Variants in ADCY9 observed in about 807,000 individuals in gnomAD.
ADCY9 encodes adenylate cyclase 9.
In ADCY9, 50 loss-of-function variants were observed where a neutral mutation model predicts 101.5. The observed-to-expected ratio is 0.49, with a 90% CI of 0.39 to 0.62. The LOEUF (loss-of-function observed/expected upper bound fraction) is 0.62, where lower values mean the gene tolerates loss of function less well. Among genes scored for constraint, ADCY9 ranks in the 20% least tolerant of loss-of-function variants. The pLI is 0.00. For synonymous variants in ADCY9, 905 were observed against 769.3 expected, an observed-to-expected ratio of 1.18 and a Z score of -2.92; for missense variants, 1,662 against 1,800.4, an observed-to-expected ratio of 0.92 and a Z score of 1.39.
At chr16:3,999,410 G>A (rs914287230) in intron 3 of ADCY9, among the ~76,000 whole-genome samples, 4 of 152,130 alleles carry the variant, frequency 2.6e-5, no homozygotes, top group African/African-American at 7.2e-5. Flanking sequence ...TTCCGCAGAC[G>A]GCCACAGACT....
rs1460628544 is a variant in ADCY9, at chr16:4,097,558, T to TATATATATATATATATACA, written c.1693+16191_1693+16192insTGTATATATATATATATAT. ...ATATATATATATATATATATATTTT[T>TATATATATATATATATACA]TTTTTTTTTTTTTAAGACAGAGTCT... On this transcript the variant is annotated intron_variant, in intron 2 of 10. Coordinates refer to ENST00000294016, the MANE Select transcript of ADCY9 (RefSeq NM_001116.4). 4.9e-4 allele frequency among the ~76,000 whole-genome samples: 45 copies of TATATATATATATATATACA among 92,428 alleles called. 2 individuals are homozygous for TATATATATATATATATACA. The highest frequency in any genetic ancestry group is 2.2e-3 in the African/African-American group (41 of 18,860). 60.6% of individuals were successfully genotyped at this position (92,428 alleles called of 152,430 possible).
At chr16:4,082,713 T>TGCAC (rs34350481) in intron 2 of ADCY9, among the ~76,000 whole-genome samples, 90,799 of 150,350 alleles carry the variant, frequency 0.6, 28,074 homozygotes, top group East Asian at 0.89. Context: ...CACCCACGCA[T>TGCAC]GCACGCACAC....
chr16:4,060,110 T>A (rs114514839), intron 2 of ADCY9, among the ~76,000 whole-genome samples: 1 of 152,090 alleles, frequency 6.6e-6, no homozygotes, highest in African/African-American at 2.4e-5. Flanking sequence ...CCAAAGGCAC[T>A]GACATAAACC....
chr16:4,084,771 G>A (rs986282177), intron 2 of ADCY9, among the ~76,000 whole-genome samples: 2 of 151,900 alleles, frequency 1.3e-5, no homozygotes, highest in African/African-American at 2.4e-5. Flanking sequence ...TAGAATCAGT[G>A]GCAATCTCTG....
At position 4,114,315 on chromosome 16, in the gene ADCY9, T is replaced by C. The variant is rs1267144896; in HGVS notation, c.1128A>G (p.Gln376=). 6 of 1,613,930 alleles carry C rather than the reference T, an allele frequency of 3.7e-6. No homozygotes were observed. Among genetic ancestry groups the C allele is most frequent in the African/African-American group, 2.7e-5 (2 of 75,026 alleles). ...PKNRKKKSSI[Q]KAPIAFRPFK... ...AAGGGCGGAAGGCTATAGGAGCTTT[T>C]TGGATGGAAGACTTTTTCTTCCTGT... is the stretch of plus-strand genomic sequence containing the variant. Residue 376 remains glutamine, a synonymous_variant, in exon 2 of 11, where the codon CAA becomes CAG. Coordinates refer to ENST00000294016, the MANE Select transcript of ADCY9 (RefSeq NM_001116.4). The surrounding 1 kb of genome is among the most constrained non-coding windows in gnomAD (Gnocchi z 4.3).
chr16:4,064,998 G>A (rs1241825691), intron 2 of ADCY9, among the ~76,000 whole-genome samples: 1 of 152,152 alleles, frequency 6.6e-6, no homozygotes, highest in African/African-American at 2.4e-5. Flanking sequence ...AGTGACAGAG[G>A]GAGGAGAAGT....
At chr16:3,990,465 C>CA (rs58708699) in intron 5 of ADCY9, among the ~76,000 whole-genome samples, 116 of 144,606 alleles carry the variant, frequency 8.0e-4, no homozygotes, top group African/African-American at 2.7e-3. Flanking sequence ...GACTATGTCT[C>CA]AAAAAAAAAA....
chr16:4,115,362 G>C lies in ADCY9; in HGVS notation c.81C>G (p.Ser27Arg), dbSNP rs2057143743. The C allele has an allele frequency of 6.2e-7, 1 of 1,610,236 alleles. No homozygotes were observed. ...VSCDSSGDSN[S>R]VRVKINPKQL... ...GCTTGGGGTTGATCTTGACGCGCACGCTGTTGCTGTCCCCGCTGGAGTCGC... is the reference window on the plus strand; with the variant it reads ...GCTTGGGGTTGATCTTGACGCGCACCCTGTTGCTGTCCCCGCTGGAGTCGC... The change falls in exon 2 of 11, where the codon AGC (serine) becomes AGG (arginine). Residue 27 changes from serine (S) to arginine (R), a missense_variant. Physicochemically the swap from Ser to Arg is moderately radical, Grantham distance 110. Coordinates refer to ENST00000294016, the MANE Select transcript of ADCY9 (RefSeq NM_001116.4). The surrounding 1 kb of genome is among the most constrained non-coding windows in gnomAD (Gnocchi z 6.2).
chr16:3,954,123 G>A (rs775563302), intron 5 of ADCY9, among the ~76,000 whole-genome samples: 4 of 152,192 alleles, frequency 2.6e-5, no homozygotes, highest in African/African-American at 7.2e-5. Flanking sequence ...ATGCTGCAGG[G>A]TGAGGAGGAT....
chr16:3,966,263 T>TGAC lies in ADCY9; in HGVS notation c.3571_3573dup (p.Val1191dup). 1 of 1,614,242 alleles carries TGAC rather than the reference T, an allele frequency of 6.2e-7. No homozygotes were observed. Among genetic ancestry groups the TGAC allele is most frequent in the Non-Finnish European group, 8.5e-7 (1 of 1,180,044 alleles). On this transcript the variant is annotated inframe_insertion, in exon 11 of 11. Coordinates refer to ENST00000294016, the MANE Select transcript of ADCY9 (RefSeq NM_001116.4). The stretch of plus-strand genomic sequence containing the variant: ...GTGGTGTCCATCCTGCTGGCGATGT[T>TGAC]GACGGTGTCTCCCCAGATGTCGTAC...
chr16:4,101,983 C>T (rs1049699978), intron 2 of ADCY9, among the ~76,000 whole-genome samples: 1 of 152,168 alleles, frequency 6.6e-6, no homozygotes, highest in African/African-American at 2.4e-5. Flanking sequence ...GTATTTTGGA[C>T]ACTTGCCCTT....
In ADCY9 at chr16:4,037,814, T is replaced by C. The variant is rs144908059; in HGVS notation, c.1694-30256A>G. Reference sequence around the variant, plus strand: ...CTGTACTACAGAGTCCTACACAGGGTTAAGGAGGAGCATCAGAAGGCAGTG... The same window carrying C: ...CTGTACTACAGAGTCCTACACAGGGCTAAGGAGGAGCATCAGAAGGCAGTG... On this transcript the variant is annotated intron_variant, in intron 2 of 10. Coordinates refer to ENST00000294016, the MANE Select transcript of ADCY9 (RefSeq NM_001116.4). Among the ~76,000 whole-genome samples, 152 of 152,148 alleles carry C rather than the reference T, an allele frequency of 1.0e-3. 2 individuals are homozygous for C. The South Asian group carries it at 0.017, about 17-fold the overall frequency.
At chr16:4,044,338 C>G (rs1018450695) in intron 2 of ADCY9, among the ~76,000 whole-genome samples, 14 of 151,140 alleles carry the variant, frequency 9.3e-5, no homozygotes, top group Non-Finnish European at 1.8e-4. Flanking sequence ...CAGAGTGAGA[C>G]TCCATCTCAA....
At chr16:4,082,605 T>C (rs1385189162) in intron 2 of ADCY9, among the ~76,000 whole-genome samples, 2 of 147,760 alleles carry the variant, frequency 1.4e-5, no homozygotes, top group Non-Finnish European at 3.0e-5. Context: ...GGCACACCCA[T>C]GCAAGCACGC....
chr16:4,093,966 A>G (rs1272008371), intron 2 of ADCY9, among the ~76,000 whole-genome samples: 1 of 152,182 alleles, frequency 6.6e-6, no homozygotes, highest in Non-Finnish European at 1.5e-5. Flanking sequence ...ATACAGTAAC[A>G]TCATGACTGG....
At chr16:3,994,175 G>A (rs917025511) in intron 3 of ADCY9, among the ~76,000 whole-genome samples, 41 of 152,128 alleles carry the variant, frequency 2.7e-4, no homozygotes, top group African/African-American at 9.4e-4. Flanking sequence ...AGAGGCCCCA[G>A]AGGAATCCCT....
intron 2 of ADCY9, among the ~76,000 whole-genome samples, chr16:4,019,591 AG>A (rs1316164434): frequency 6.6e-6 from 1 of 152,218 alleles, no homozygotes; most frequent in South Asian, 2.1e-4. Context: ...TTCAGTCAGC[AG>A]CCCTCACTCC....
chr16:4,055,610 G>C (rs557034169), intron 2 of ADCY9, among the ~76,000 whole-genome samples: 1 of 151,912 alleles, frequency 6.6e-6, no homozygotes, highest in African/African-American at 2.4e-5. Flanking sequence ...GGGGTGGGGG[G>C]ATCACGAGGT....
At chr16:3,994,230 G>A (rs774593913) in intron 3 of ADCY9, among the ~76,000 whole-genome samples, 24 of 152,236 alleles carry the variant, frequency 1.6e-4, no homozygotes, top group Non-Finnish European at 3.2e-4. Flanking sequence ...AAGCAGGAAC[G>A]GGTCCTCACT....
Sources: allele counts gnomAD v4.1 joint callset (sites outside exome capture counted in the v4.1 genomes callset), GRCh38; gene constraint gnomAD v4.1.1; non-coding constraint Gnocchi (gnomAD v3.1); transcripts MANE v1.5; gene names NCBI Gene and HGNC (gene_info 2026-07-23, HGNC 2026-07-21).